The following EFNB2 variants were observed in gnomAD, a reference collection of about 807,000 sequenced individuals.
EFNB2 encodes ephrin-B2.
EFNB2 carries 5 observed loss-of-function variants against 32.1 expected under a neutral mutation model. The ratio of observed to expected loss-of-function variants is 0.16; its 90% CI spans 0.08 to 0.33. The LOEUF is 0.33. Ranked by LOEUF, EFNB2 falls within the 10% of genes least tolerant of loss-of-function variation. The probability of loss-of-function intolerance (pLI) is 1.00; values close to 1 mark genes in which losing one functional copy is unlikely to be tolerated. For synonymous variants in EFNB2, 168 were observed against 166.5 expected (o/e 1.01, Z -0.07); for missense variants, 263 against 422.6 (o/e 0.62, Z 3.31).
chr13:106,498,270 A>C (rs1403581770), intron 2 of EFNB2, among the ~76,000 whole-genome samples: 1 of 152,180 alleles, frequency 6.6e-6, no homozygotes, highest in Non-Finnish European at 1.5e-5. Flanking sequence ...CCAAAAGAAA[A>C]ACAATTAAAT....
chr13:106,495,044 T>C, intron 3 of EFNB2, 50 bp from the exon 4 acceptor site: 1 of 1,424,218 alleles, frequency 7.0e-7, no homozygotes, highest in East Asian at 2.3e-5. Flanking sequence ...TGACAATATC[T>C]AGCTTTAGGA....
chr13:106,525,878 A>T (rs1301004370), intron 1 of EFNB2, among the ~76,000 whole-genome samples: 2 of 152,166 alleles, frequency 1.3e-5, no homozygotes, highest in Non-Finnish European at 2.9e-5. Context: ...CAAATACTCC[A>T]CCATCAATGG....
chr13:106,526,439 T>A (rs1879703078), intron 1 of EFNB2, among the ~76,000 whole-genome samples: 1 of 152,166 alleles, frequency 6.6e-6, no homozygotes, highest in Admixed American at 6.5e-5. Context: ...TAAGTACATC[T>A]AAGTACAAAG....
intron 1 of EFNB2, among the ~76,000 whole-genome samples, chr13:106,522,972 A>T (rs1054930344): frequency 3.3e-5 from 5 of 152,236 alleles, no homozygotes; most frequent in African/African-American, 1.2e-4. Flanking sequence ...TTTTGCTATA[A>T]GAGATTCACC....
intron 2 of EFNB2, chr13:106,506,860 AC>A (rs1878969275): frequency 6.6e-6 from 1 of 152,196 alleles, no homozygotes; most frequent in Non-Finnish European, 1.5e-5. Flanking sequence ...AGATGAAGAG[AC>A]TGAGGCAGAC....
At chr13:106,520,765 GT>G (rs889508953) in intron 1 of EFNB2, 14 of 102,698 alleles carry the variant, frequency 1.4e-4, no homozygotes, top group African/African-American at 3.8e-4. Context: ...CTTGGAAAAT[GT>G]TTTTCCTTTT....
intron 2 of EFNB2, among the ~76,000 whole-genome samples, chr13:106,509,639 G>C (rs913528321): frequency 6.7e-6 from 1 of 149,704 alleles, no homozygotes; most frequent in Admixed American, 6.6e-5. Flanking sequence ...GTGTGTGTGT[G>C]TGTGTGTGTG....
At chr13:106,511,747 A>C (rs1262653511) in intron 2 of EFNB2, among the ~76,000 whole-genome samples, 2 of 152,194 alleles carry the variant, frequency 1.3e-5, no homozygotes, top group Non-Finnish European at 2.9e-5. Context: ...CAGCTGTCTG[A>C]GTCACCTAGA....
At chr13:106,504,604 C>T (rs940623266) in intron 2 of EFNB2, among the ~76,000 whole-genome samples, 1 of 152,190 alleles carries the variant, frequency 6.6e-6, no homozygotes, top group Non-Finnish European at 1.5e-5. Context: ...TAAAAGAATA[C>T]CTTCATCCCC....
chr13:106,505,356 C>T (rs1878916916), intron 2 of EFNB2, among the ~76,000 whole-genome samples: 1 of 152,166 alleles, frequency 6.6e-6, no homozygotes, highest in South Asian at 2.1e-4. Context: ...TCCAGCGGCC[C>T]TGGACTGAGT....
chr13:106,521,581 T>C (rs914002594), intron 1 of EFNB2: 1 of 152,198 alleles, frequency 6.6e-6, no homozygotes, highest in Admixed American at 6.5e-5. Flanking sequence ...CAGTCTACAA[T>C]TAGCATATGA....
At chr13:106,530,146 G>GTC (rs1879826234) in intron 1 of EFNB2, among the ~76,000 whole-genome samples, 9 of 152,116 alleles carry the variant, frequency 5.9e-5, no homozygotes, top group Admixed American at 5.2e-4. Context: ...TGTATTCTTT[G>GTC]GCTTTATAGA....
intron 1 of EFNB2, 47 bp downstream of exon 1, chr13:106,534,796 G>C (rs995546976): frequency 6.4e-7 from 1 of 1,571,960 alleles, no homozygotes; most frequent in East Asian, 2.3e-5. Flanking sequence ...CGGACGGCGC[G>C]GCGGACCCCG....
Position 106,494,966 on chromosome 13 carries a change from A to T in EFNB2, c.528T>A (p.Asn176Lys). The T allele has an allele frequency of 6.2e-7, 1 of 1,614,120 alleles. No individual in the cohort carries two copies. The highest frequency in any genetic ancestry group is 8.5e-7 in the Non-Finnish European group (1 of 1,179,978). ...QDASSAGSTR[N>K]KDPTRRPELE... is the part of the protein sequence containing the mutation. ...GTTCTGGACGTCTTGTTGGATCTTT[A>T]TTCCTGGTTGATCCAGCAGAACTTG... Residue 176 changes from asparagine to lysine, a missense_variant, in exon 4 of 5, where the codon AAT (asparagine) becomes AAA (lysine). Transcript: ENST00000646441.
intron 2 of EFNB2, among the ~76,000 whole-genome samples, chr13:106,503,690 A>G (rs959289629): frequency 6.6e-6 from 1 of 152,048 alleles, no homozygotes; most frequent in Non-Finnish European, 1.5e-5. Context: ...GGCCATGTGG[A>G]TATCTTGTCC....
At chr13:106,531,895 A>G (rs1879883155) in intron 1 of EFNB2, among the ~76,000 whole-genome samples, 1 of 152,156 alleles carries the variant, frequency 6.6e-6, no homozygotes, top group Admixed American at 6.5e-5. Flanking sequence ...ATTGCAGAAC[A>G]CCATACCAAT....
chr13:106,521,084 C>T (rs1031080335), intron 1 of EFNB2: 1 of 152,058 alleles, frequency 6.6e-6, no homozygotes, highest in Non-Finnish European at 1.5e-5. Context: ...TTCACAGGTG[C>T]CCCTTCTTTC....
At position 106,493,092 on chromosome 13, in the gene EFNB2, A is replaced by T; in HGVS notation, c.950T>A (p.Ile317Asn). ...VSGDYGHPVY[I>N]VQEMPPQSPA... ...GCTCTGCGGGGGCATCTCCTGGACG[A>T]TGTACACCGGGTGCCCGTAGTCCCC... Residue 317 changes from isoleucine (I) to asparagine (N), a missense_variant, in exon 5 of 5, where the codon ATC becomes AAC. Ile to Asn is a moderately radical substitution (Grantham distance 149, BLOSUM62 -3). Around this residue, in one of 3 missense-constraint regions of EFNB2, gnomAD observed 172 missense variants for 237.1 expected, o/e 0.73. Transcript: ENST00000646441. The surrounding 1 kb of genome is among the most constrained non-coding windows in gnomAD (Gnocchi z 6.1). The T allele has an allele frequency of 6.2e-7, 1 of 1,613,934 alleles. No individual in the cohort carries two copies. The highest frequency in any genetic ancestry group is 8.5e-7 in the Non-Finnish European group (1 of 1,179,996).
intron 2 of EFNB2, among the ~76,000 whole-genome samples, chr13:106,504,288 C>T (rs1295309927): frequency 1.3e-5 from 2 of 152,202 alleles, no homozygotes; most frequent in Non-Finnish European, 2.9e-5. Context: ...AAGTGGAAAA[C>T]ATCCATCGGA....
Sources: allele counts gnomAD v4.1 joint callset (sites outside exome capture counted in the v4.1 genomes callset), GRCh38; gene constraint gnomAD v4.1.1; regional missense constraint gnomAD v4.1.1; non-coding constraint Gnocchi (gnomAD v3.1); transcripts MANE v1.5; gene names NCBI Gene and HGNC (gene_info 2026-07-23, HGNC 2026-07-21).